Variants in SYNPR observed in about 807,000 individuals in gnomAD.
SYNPR encodes the protein synaptoporin.
SYNPR carries 23 observed loss-of-function variants against 32.9 expected under a neutral mutation model. The ratio of observed to expected loss-of-function variants is 0.70; its 90% CI spans 0.50 to 0.99. SYNPR has a LOEUF of 0.99. SYNPR is among the 50% of genes least tolerant of loss of function. The probability of loss-of-function intolerance (pLI) is 0.00; values close to 1 mark genes in which losing one functional copy is unlikely to be tolerated. For synonymous variants in SYNPR, 146 were observed against 135.9 expected (o/e 1.07, Z -0.52); for missense variants, 318 against 349.3 (o/e 0.91, Z 0.71).
At chr3:63,363,348 A>G (rs1333344289) in intron 2 of SYNPR, among the ~76,000 whole-genome samples, 1 of 152,220 alleles carries the variant, frequency 6.6e-6, no homozygotes, top group African/African-American at 2.4e-5. Flanking sequence ...CTTGCATGTT[A>G]AAACCACCTT....
At chr3:63,461,807 G>A (rs147236445) in intron 2 of SYNPR, among the ~76,000 whole-genome samples, 108 of 151,928 alleles carry the variant, frequency 7.1e-4, no homozygotes, top group African/African-American at 2.2e-3. Context: ...TTCCCCAGCC[G>A]TAGAACAGAG....
intron 2 of SYNPR, among the ~76,000 whole-genome samples, chr3:63,429,744 T>A (rs1226468740): frequency 1.3e-5 from 2 of 152,176 alleles, no homozygotes; most frequent in Admixed American, 1.3e-4. Context: ...CAGAGCAGGG[T>A]TTCTTTGCCC....
At position 63,241,637 on chromosome 3, in the gene SYNPR, C is replaced by T. The variant is rs185304025; in HGVS notation, n.67-10862C>T. Among the ~76,000 whole-genome samples, 4 of 152,076 alleles carry T rather than the reference C, an allele frequency of 2.6e-5. No individual in the cohort carries two copies. In the East Asian group the frequency reaches 7.8e-4, roughly 30 times the overall value. On this transcript the variant is annotated intron_variant and non_coding_transcript_variant, in intron 1 of 4. Transcript: ENST00000478456. ...CTTGATATACATTAAAGTTGTTACG[C>T]CTGGAACTGCTACAATCATCTCATA...
the SYNPR span, among the ~76,000 whole-genome samples, chr3:63,218,441 CTTT>C: frequency 6.6e-6 from 1 of 152,204 alleles, no homozygotes; most frequent in Non-Finnish European, 1.5e-5. Flanking sequence ...TGTTCTACTT[CTTT>C]GTGTCCTCCA....
At chr3:63,282,224 T>C (rs777952499) in intron 2 of SYNPR, among the ~76,000 whole-genome samples, 1 of 152,210 alleles carries the variant, frequency 6.6e-6, no homozygotes, top group Non-Finnish European at 1.5e-5. Context: ...ATCTTGTAAG[T>C]TAAGTGATAT....
At chr3:63,328,431 T>G (rs921710864) in intron 2 of SYNPR, among the ~76,000 whole-genome samples, 1 of 152,322 alleles carries the variant, frequency 6.6e-6, no homozygotes, top group Admixed American at 6.5e-5. Context: ...GAATTCATAA[T>G]GTACCAGTGT....
At chr3:63,437,296 G>A (rs1353071726) in intron 2 of SYNPR, among the ~76,000 whole-genome samples, 1 of 152,178 alleles carries the variant, frequency 6.6e-6, no homozygotes, top group Admixed American at 6.5e-5. Flanking sequence ...ATTGTTAGAT[G>A]TTAAATGCTT....
intron 2 of SYNPR, among the ~76,000 whole-genome samples, chr3:63,385,732 T>G (rs554164209): frequency 1.3e-5 from 2 of 152,240 alleles, no homozygotes; most frequent in Admixed American, 1.3e-4. Flanking sequence ...ATAAACTTTA[T>G]GTGAGGTCAG....
At chr3:63,558,812 T>C (rs1193842678) in intron 4 of SYNPR, among the ~76,000 whole-genome samples, 1 of 151,716 alleles carries the variant, frequency 6.6e-6, no homozygotes, top group Non-Finnish European at 1.5e-5. Context: ...ATATTTTTGT[T>C]GCAAAAAATA....
At chr3:63,227,229 C>G (rs7639463), upstream of SYNPR, among the ~76,000 whole-genome samples, 1 of 152,054 alleles carries the variant, frequency 6.6e-6, no homozygotes, top group Non-Finnish European at 1.5e-5. Context: ...AGACAGAGAG[C>G]GCTCCTTTGA....
intron 2 of SYNPR, among the ~76,000 whole-genome samples, chr3:63,394,020 C>T (rs6800579): frequency 0.29 from 43,437 of 151,916 alleles, 7,263 homozygotes; most frequent in East Asian, 0.7. Flanking sequence ...AGATATATTT[C>T]AAATCTATTT....
chr3:63,605,241 C>T (rs939233067), intron 4 of SYNPR, among the ~76,000 whole-genome samples: 1 of 152,052 alleles, frequency 6.6e-6, no homozygotes, highest in Non-Finnish European at 1.5e-5. Flanking sequence ...GGGGAGGGGA[C>T]CATTAATGAG....
chr3:63,395,350 G>A (rs1320217408), intron 2 of SYNPR, among the ~76,000 whole-genome samples: 3 of 152,122 alleles, frequency 2.0e-5, no homozygotes. Flanking sequence ...TTATCCTACT[G>A]ATTTTCCAGA....
At chr3:63,348,896 G>C (rs960896886) in intron 2 of SYNPR, among the ~76,000 whole-genome samples, 2 of 152,010 alleles carry the variant, frequency 1.3e-5, no homozygotes, top group African/African-American at 4.8e-5. Flanking sequence ...ATATGTCTAT[G>C]CTGTTTTGGT....
At chr3:63,262,199 G>A (rs6763514) in intron 2 of SYNPR, among the ~76,000 whole-genome samples, 11,860 of 152,152 alleles carry the variant, frequency 0.078, 1,340 homozygotes, top group African/African-American at 0.25. Context: ...CCGCTGAATT[G>A]GGGTATGCAA....
intron 3 of SYNPR, among the ~76,000 whole-genome samples, chr3:63,546,047 T>C (rs1471822800): frequency 6.6e-6 from 1 of 152,110 alleles, no homozygotes; most frequent in East Asian, 1.9e-4. Flanking sequence ...TTCACTTGGG[T>C]AGAGTACCAC....
the SYNPR span, among the ~76,000 whole-genome samples, chr3:63,222,475 G>A: frequency 5.9e-5 from 9 of 152,082 alleles, no homozygotes; most frequent in African/African-American, 2.2e-4. Context: ...AGAGAGGATA[G>A]TACCATTATT....
At chr3:63,375,908 G>A (rs186439760) in intron 2 of SYNPR, among the ~76,000 whole-genome samples, 13 of 152,190 alleles carry the variant, frequency 8.5e-5, no homozygotes, top group African/African-American at 2.6e-4. Flanking sequence ...GAATTAATAT[G>A]TTGAAGAAGA....
chr3:63,476,273 G>GA (rs1326992410), intron 2 of SYNPR, among the ~76,000 whole-genome samples: 1 of 52,852 alleles, frequency 1.9e-5, no homozygotes, highest in Non-Finnish European at 4.2e-5. Flanking sequence ...GGAAGGAAGG[G>GA]AGGGAGGGAA....
Sources: allele counts gnomAD v4.1 joint callset (sites outside exome capture counted in the v4.1 genomes callset), GRCh38; gene constraint gnomAD v4.1.1; transcripts MANE v1.5; gene names NCBI Gene and HGNC (gene_info 2026-07-23, HGNC 2026-07-21).